TNRC6C: variants seen among roughly 807,000 people sequenced by gnomAD.
The protein encoded by TNRC6C is trinucleotide repeat containing adaptor 6C.
A neutral mutation model predicts 153.7 loss-of-function variants in TNRC6C; 20 were observed. The observed-to-expected ratio is 0.13, with a 90% CI of 0.09 to 0.19. The LOEUF is 0.19. Ranked by LOEUF, TNRC6C falls within the 10% of genes least tolerant of loss-of-function variation. The pLI is 1.00. For synonymous variants in TNRC6C, 811 were observed against 841.4 expected (o/e 0.96, Z 0.63); for missense variants, 1,987 against 2,172.0 (o/e 0.91, Z 1.69).
chr17:77,958,688 A>AG (rs1275164853), upstream of TNRC6C, among the ~76,000 whole-genome samples: 21 of 148,962 alleles, frequency 1.4e-4, no homozygotes, highest in Non-Finnish European at 2.7e-4. Flanking sequence ...AAGCGGGGGG[A>AG]GGGGGGTTCT....
At chr17:78,088,993 A>G (rs887017808) in intron 13 of TNRC6C, among the ~76,000 whole-genome samples, 1 of 119,312 alleles carries the variant, frequency 8.4e-6, no homozygotes, top group Non-Finnish European at 1.7e-5. Flanking sequence ...TTTGAGATAG[A>G]GTCTTGCTCT....
chr17:78,074,480 A>G (rs560091397), intron 7 of TNRC6C, among the ~76,000 whole-genome samples: 33 of 152,352 alleles, frequency 2.2e-4, no homozygotes, highest in African/African-American at 7.7e-4. Flanking sequence ...GCAAACTGCC[A>G]GGGCGGGACA....
At chr17:77,970,443 C>A (rs565348316) in intron 1 of TNRC6C, among the ~76,000 whole-genome samples, 1 of 152,222 alleles carries the variant, frequency 6.6e-6, no homozygotes, top group African/African-American at 2.4e-5. Flanking sequence ...AAGACAGGGT[C>A]TTCCTATGTT....
At chr17:77,983,248 A>G (rs1217798346) in intron 1 of TNRC6C, among the ~76,000 whole-genome samples, 5 of 152,142 alleles carry the variant, frequency 3.3e-5, no homozygotes, top group Non-Finnish European at 5.9e-5. Context: ...TTATTTTCCA[A>G]TAGGGAATGT....
At chr17:78,031,520 A>G in exon 2 of TNRC6C, 1 of 1,232,190 alleles carries the variant, frequency 8.1e-7, no homozygotes, top group Non-Finnish European at 1.0e-6. Flanking sequence ...TTTTAGTGCC[A>G]GAACCTACTA....
At chr17:77,997,666 T>A (rs2071349086) in intron 1 of TNRC6C, among the ~76,000 whole-genome samples, 1 of 152,004 alleles carries the variant, frequency 6.6e-6, no homozygotes, top group Non-Finnish European at 1.5e-5. Context: ...TTTTTTTTTT[T>A]ATTTTTTTGA....
At chr17:78,005,727 T>C (rs2071485115) in intron 1 of TNRC6C, among the ~76,000 whole-genome samples, 2 of 152,190 alleles carry the variant, frequency 1.3e-5, no homozygotes, top group African/African-American at 4.8e-5. Context: ...ATAAACTAGC[T>C]CTGTTTAATT....
At chr17:78,007,115 G>C (rs1021681327) in intron 1 of TNRC6C, among the ~76,000 whole-genome samples, 3 of 152,078 alleles carry the variant, frequency 2.0e-5, no homozygotes, top group Non-Finnish European at 4.4e-5. Flanking sequence ...AAAGTGCTGG[G>C]ATTACAGGCG....
At chr17:77,978,410 C>T in intron 1 of TNRC6C, among the ~76,000 whole-genome samples, 1 of 152,102 alleles carries the variant, frequency 6.6e-6, no homozygotes, top group East Asian at 1.9e-4. Context: ...CTGCTTCTGG[C>T]TAAGACAGAC....
chr17:78,086,360 ACAG>A, intron 11 of TNRC6C, 140 bp from the exon 14 acceptor site: 1 of 287,304 alleles, frequency 3.5e-6, no homozygotes, highest in Non-Finnish European at 6.6e-6. Context: ...AAAAAAAAAA[ACAG>A]TATGTGTCAG....
At chr17:77,975,454 T>C (rs1312528405) in intron 1 of TNRC6C, among the ~76,000 whole-genome samples, 1 of 152,214 alleles carries the variant, frequency 6.6e-6, no homozygotes, top group Non-Finnish European at 1.5e-5. Context: ...TTGTTAAAAC[T>C]GGGCAACTGG....
exon 3 of TNRC6C, chr17:78,051,147 G>T: frequency 6.3e-7 from 1 of 1,575,180 alleles, no homozygotes; most frequent in Non-Finnish European, 8.6e-7. Context: ...GGATCGGGGG[G>T]CCGGTACCGG....
exon 13 of TNRC6C, chr17:78,087,041 G>C: frequency 6.2e-7 from 1 of 1,613,560 alleles, no homozygotes; most frequent in South Asian, 1.1e-5. Context: ...TACCTGACCT[G>C]CAGACCAAAG....
At position 78,079,143 on chromosome 17, in the gene TNRC6C, G is replaced by A. The variant is rs1350225376; in HGVS notation, c.3211-252G>A. On this transcript the variant is annotated intron_variant, in intron 9 of 19. Transcript: ENST00000301624. This position sits in a 1 kb window ranked among gnomAD's most constrained non-coding sequence, Gnocchi z 4.3. Reference sequence around the variant, plus strand: ...GGGGGTCTGTAATCCCAGCTACTCGGGAGGCTGAGGCAGGAGAATCACTTG... The same window carrying A: ...GGGGGTCTGTAATCCCAGCTACTCGAGAGGCTGAGGCAGGAGAATCACTTG... Among the ~76,000 whole-genome samples, 1 of 151,314 alleles carries A rather than the reference G, an allele frequency of 6.6e-6. No individual in the cohort carries two copies. The highest frequency in any genetic ancestry group is 2.4e-5 in the African/African-American group (1 of 41,120).
chr17:78,006,473 T>TTTC lies in TNRC6C; in HGVS notation c.-546+1412_-546+1414dup, dbSNP rs201839982. 5.4e-4 allele frequency among the ~76,000 whole-genome samples: 82 copies of TTTC among 150,998 alleles called. 2 individuals are homozygous for TTTC. Among genetic ancestry groups the TTTC allele is most frequent in the African/African-American group, 1.7e-3 (68 of 40,866 alleles). ...AGAGTTAACTGTTCTGGATCATCCA[T>TTTC]TTCTTCTTCTTCTTCTTCTTTCTTC... On this transcript the variant is annotated intron_variant, in intron 1 of 19. Coordinates refer to ENST00000301624, the Ensembl canonical transcript of TNRC6C.
At chr17:77,991,512 A>ATCCT (rs2071249784) in intron 1 of TNRC6C, among the ~76,000 whole-genome samples, 6 of 152,220 alleles carry the variant, frequency 3.9e-5, no homozygotes, top group Non-Finnish European at 8.8e-5. Context: ...CAGAAATAAT[A>ATCCT]CGTAAACTTC....
At chr17:77,978,438 A>G (rs1351331841) in intron 1 of TNRC6C, among the ~76,000 whole-genome samples, 4 of 152,200 alleles carry the variant, frequency 2.6e-5, no homozygotes, top group East Asian at 1.9e-4. Flanking sequence ...TGTCAGACCA[A>G]CCCTGCCGCC....
At chr17:77,959,598 C>G (rs889900263) in intron 1 of TNRC6C, among the ~76,000 whole-genome samples, 4 of 152,146 alleles carry the variant, frequency 2.6e-5, no homozygotes, top group Non-Finnish European at 4.4e-5. Flanking sequence ...GGCAGCCCCC[C>G]GCAGATTTTG....
At chr17:78,088,233 G>A (rs748320141) in intron 13 of TNRC6C, among the ~76,000 whole-genome samples, 24 of 151,966 alleles carry the variant, frequency 1.6e-4, no homozygotes, top group Non-Finnish European at 2.9e-4. Context: ...AGATGATCTC[G>A]TTCCTTAATT....
Sources: allele counts gnomAD v4.1 joint callset (sites outside exome capture counted in the v4.1 genomes callset), GRCh38; gene constraint gnomAD v4.1.1; non-coding constraint Gnocchi (gnomAD v3.1); transcripts MANE v1.5; gene names NCBI Gene and HGNC (gene_info 2026-07-23, HGNC 2026-07-21).